Variants in NRXN3 observed in about 807,000 individuals in gnomAD.
NRXN3 encodes neurexin 3.
Under a neutral mutation model 137.6 loss-of-function variants are expected in NRXN3, and 32 were observed. That is an observed-to-expected ratio of 0.23 (90% CI 0.18 to 0.31). The LOEUF (loss-of-function observed/expected upper bound fraction) is 0.31, where lower values mean the gene tolerates loss of function less well. NRXN3 is among the 10% of genes least tolerant of loss of function. The pLI, the probability that NRXN3 is intolerant of heterozygous loss-of-function variation, is 1.00. For synonymous variants in NRXN3, 798 were observed against 784.5 expected (o/e 1.02, Z -0.29); for missense variants, 1,574 against 2,062.5 (o/e 0.76, Z 4.59).
chr14:79,719,315 A>G (rs2098834910), intron 19 of NRXN3, among the ~76,000 whole-genome samples: 1 of 149,016 alleles, frequency 6.7e-6, no homozygotes, highest in African/African-American at 2.5e-5. Flanking sequence ...ATGTGTATGT[A>G]TACACGCGTG....
At chr14:78,512,929 T>C (rs1430783915) in intron 4 of NRXN3, among the ~76,000 whole-genome samples, 1 of 152,194 alleles carries the variant, frequency 6.6e-6, no homozygotes, top group African/African-American at 2.4e-5. Context: ...TTCTGCCCCG[T>C]AGGATCTGAA....
chr14:79,752,181 G>A (rs539064351), intron 19 of NRXN3, among the ~76,000 whole-genome samples: 5 of 152,032 alleles, frequency 3.3e-5, no homozygotes, highest in South Asian at 4.1e-4. Flanking sequence ...GGTAGAATTC[G>A]GCTGTGAATC....
intron 17 of NRXN3, among the ~76,000 whole-genome samples, chr14:79,674,617 C>CA (rs1434284011): frequency 2.0e-5 from 3 of 152,064 alleles, no homozygotes; most frequent in Middle Eastern, 3.4e-3. Flanking sequence ...CTTCCAAGAG[C>CA]ACTCCAGTTT....
intron 15 of NRXN3, among the ~76,000 whole-genome samples, chr14:79,080,780 T>A (rs1331467575): frequency 6.6e-6 from 1 of 152,208 alleles, no homozygotes; most frequent in African/African-American, 2.4e-5. Flanking sequence ...CTTGTCCTAC[T>A]TCTCCGTGCG....
At chr14:79,225,440 C>A (rs572634614) in intron 15 of NRXN3, among the ~76,000 whole-genome samples, 1 of 152,226 alleles carries the variant, frequency 6.6e-6, no homozygotes, top group Admixed American at 6.5e-5. Flanking sequence ...TCGATATAAT[C>A]CTAAAAGTTA....
At chr14:78,314,976 TTCC>T (rs1567235795) in intron 4 of NRXN3, among the ~76,000 whole-genome samples, 91 of 88,928 alleles carry the variant, frequency 1.0e-3, no homozygotes, top group African/African-American at 4.4e-3. Context: ...CCTTCCTTCC[TTCC>T]TTCCTTCCTT....
chr14:78,873,243 G>C (rs1450258298), intron 10 of NRXN3, among the ~76,000 whole-genome samples: 1 of 151,974 alleles, frequency 6.6e-6, no homozygotes, highest in Non-Finnish European at 1.5e-5. Flanking sequence ...TCCAAATCTT[G>C]TTGACATTTC....
intron 4 of NRXN3, among the ~76,000 whole-genome samples, chr14:78,557,581 G>A (rs756653893): frequency 2.0e-5 from 3 of 152,194 alleles, no homozygotes; most frequent in African/African-American, 4.8e-5. Context: ...CTGACACAAA[G>A]CCAGGTGCCT....
intron 16 of NRXN3, among the ~76,000 whole-genome samples, chr14:79,623,666 A>C (rs2098248619): frequency 2.6e-5 from 4 of 152,170 alleles, no homozygotes; most frequent in Admixed American, 2.6e-4. Flanking sequence ...ATGACAACTC[A>C]TTTGCCTGCA....
Position 78,908,669 on chromosome 14 carries a change from C to T in NRXN3, c.2276-48573C>T, listed in dbSNP as rs377029129. Among the ~76,000 whole-genome samples the T allele has an allele frequency of 5.9e-4, 89 of 152,058 alleles. 1 individual carries two copies. Among genetic ancestry groups the T allele is most frequent in the African/African-American group, 2.0e-3 (82 of 41,506 alleles). On this transcript the variant is annotated intron_variant, in intron 10 of 20. Transcript: ENST00000335750. Reference sequence around the variant, plus strand: ...ACTAACTTCTTGTAACATGTCTGAACAGGATCTAGTTTGAGACACTAAGAA... The same window carrying T: ...ACTAACTTCTTGTAACATGTCTGAATAGGATCTAGTTTGAGACACTAAGAA...
At chr14:79,402,074 A>G (rs982348861) in intron 15 of NRXN3, among the ~76,000 whole-genome samples, 2 of 151,872 alleles carry the variant, frequency 1.3e-5, no homozygotes, top group African/African-American at 4.8e-5. Flanking sequence ...GTGCTGCAAC[A>G]CCTGGCTATT....
At chr14:78,178,997 A>G (rs2059528652) in intron 1 of NRXN3, among the ~76,000 whole-genome samples, 1 of 152,140 alleles carries the variant, frequency 6.6e-6, no homozygotes, top group Admixed American at 6.5e-5. Flanking sequence ...CCTCTACCCC[A>G]CACCCACAGG....
chr14:79,031,544 A>G (rs984710358), intron 15 of NRXN3, among the ~76,000 whole-genome samples: 3 of 152,154 alleles, frequency 2.0e-5, no homozygotes, highest in Admixed American at 1.3e-4. Flanking sequence ...TGAGGGCACT[A>G]TAAGGTTCAC....
chr14:78,233,547 G>C (rs2065750296), intron 1 of NRXN3, among the ~76,000 whole-genome samples: 1 of 152,098 alleles, frequency 6.6e-6, no homozygotes, highest in South Asian at 2.1e-4. Context: ...CAGTAACAGG[G>C]AGCCTGCTTC....
At chr14:78,213,255 C>T (rs909113997) in intron 1 of NRXN3, among the ~76,000 whole-genome samples, 15 of 140,714 alleles carry the variant, frequency 1.1e-4, no homozygotes, top group Non-Finnish European at 1.4e-4. Flanking sequence ...TCTTAGTCCT[C>T]TTAGGAAGAC....
At chr14:78,532,165 AAT>A (rs2153812545) in intron 4 of NRXN3, among the ~76,000 whole-genome samples, 1 of 149,844 alleles carries the variant, frequency 6.7e-6, no homozygotes, top group Non-Finnish European at 1.5e-5. Context: ...AAAAAAAAAA[AAT>A]AGCCAAGTGC....
intron 15 of NRXN3, among the ~76,000 whole-genome samples, chr14:79,221,665 T>A (rs1424695843): frequency 1.3e-5 from 2 of 152,204 alleles, no homozygotes; most frequent in Non-Finnish European, 2.9e-5. Context: ...CTTTATCAGA[T>A]GGATAGATTG....
chr14:79,274,590 A>G (rs1566632195), intron 15 of NRXN3, among the ~76,000 whole-genome samples: 1 of 151,644 alleles, frequency 6.6e-6, no homozygotes, highest in Non-Finnish European at 1.5e-5. Context: ...CTCTATGAGA[A>G]ACTAATTAAG....
intron 4 of NRXN3, among the ~76,000 whole-genome samples, chr14:78,597,802 T>C (rs2097170143): frequency 6.6e-6 from 1 of 152,178 alleles, no homozygotes; most frequent in Non-Finnish European, 1.5e-5. Flanking sequence ...TGAAGACATA[T>C]AAACAGTGGC....
Sources: gnomAD v4.1 joint callset for allele counts (sites outside exome capture counted in the v4.1 genomes callset) on GRCh38, gnomAD v4.1.1 for gene constraint, MANE v1.5 for transcripts, NCBI Gene and HGNC (gene_info 2026-07-23, HGNC 2026-07-21) for gene names.